The following MYO9A variants were observed in gnomAD, a reference collection of about 807,000 sequenced individuals.
MYO9A encodes myosin IXA, also known as unconventional myosin-IXa.
MYO9A carries 103 observed loss-of-function variants against 293.3 expected under a neutral mutation model. The observed-to-expected ratio is 0.35, with a 90% CI of 0.30 to 0.41. The LOEUF (loss-of-function observed/expected upper bound fraction) is 0.41. MYO9A is among the 10% of genes least tolerant of loss of function. The pLI is 1.00. For missense variants in MYO9A, 2,685 were observed against 3,033.0 expected (o/e 0.89, Z 2.69); for synonymous variants, 1,001 against 1,035.7 (o/e 0.97, Z 0.64).
intron 1 of MYO9A, among the ~76,000 whole-genome samples, chr15:72,098,993 A>G (rs1021322331): frequency 6.6e-6 from 1 of 152,128 alleles, no homozygotes; most frequent in South Asian, 2.1e-4. Flanking sequence ...AAAAATAATT[A>G]AGAAATTAAA....
chr15:71,863,688 A>AT (rs1424387465), intron 32 of MYO9A, among the ~76,000 whole-genome samples: 2 of 152,188 alleles, frequency 1.3e-5, no homozygotes, highest in East Asian at 3.8e-4. Context: ...GTATAAATGT[A>AT]TGTGGTACAA....
At chr15:71,832,419 A>G (rs1325546071) in intron 39 of MYO9A, among the ~76,000 whole-genome samples, 1 of 152,188 alleles carries the variant, frequency 6.6e-6, no homozygotes, top group Non-Finnish European at 1.5e-5. Context: ...TACTGTTAAA[A>G]ACTAAAGGCC....
intron 11 of MYO9A, among the ~76,000 whole-genome samples, chr15:71,988,621 A>G (rs2076463004): frequency 6.6e-6 from 1 of 151,996 alleles, no homozygotes; most frequent in South Asian, 2.1e-4. Context: ...AAGCTAAGAC[A>G]GCAACAAGAT....
chr15:71,946,181 G>T (rs528406515), intron 15 of MYO9A, among the ~76,000 whole-genome samples: 2 of 152,160 alleles, frequency 1.3e-5, no homozygotes, highest in African/African-American at 4.8e-5. Flanking sequence ...TAATGGTTTT[G>T]GTAACAGAAT....
At position 71,994,492 on chromosome 15, in the gene MYO9A, T is replaced by C; in HGVS notation, c.1564A>G (p.Lys522Glu). ...FRINHALLNS[K>E]DLEHNTKTLS... ...ACCTTGGTATTATGCTCTAAATCTT[T>C]ACTATTCAGAAGTGCATGATTAATT... Residue 522 changes from lysine to glutamate, a missense_variant, in exon 10 of 42, where the codon AAA becomes GAA. Coordinates refer to ENST00000356056, the MANE Select transcript of MYO9A (RefSeq NM_006901.4). The C allele has an allele frequency of 1.3e-6, 2 of 1,598,370 alleles. No individual in the cohort carries two copies. The highest frequency in any genetic ancestry group is 1.7e-6 in the Non-Finnish European group (2 of 1,172,122).
intron 1 of MYO9A, chr15:72,116,730 T>C (rs766423355): frequency 2.0e-5 from 3 of 152,226 alleles, no homozygotes; most frequent in Non-Finnish European, 4.4e-5. Flanking sequence ...CAAGACGACA[T>C]AGTTATATCC....
chr15:72,049,949 A>T (rs1465321209), intron 1 of MYO9A, among the ~76,000 whole-genome samples: 2 of 152,176 alleles, frequency 1.3e-5, no homozygotes, highest in Non-Finnish European at 2.9e-5. Context: ...TAAACTTAGA[A>T]ACATCTTTTT....
intron 1 of MYO9A, among the ~76,000 whole-genome samples, chr15:72,085,960 G>A (rs937800210): frequency 4.6e-5 from 7 of 152,174 alleles, no homozygotes; most frequent in Non-Finnish European, 1.0e-4. Flanking sequence ...CTGGTATTGG[G>A]ACCCTATTTT....
rs370644227 is a variant in MYO9A at position 71,845,882 on chromosome 15, T to C, written c.6837+2963A>G. 3.9e-5 allele frequency among the ~76,000 whole-genome samples: 6 copies of C among 152,320 alleles called. No individual in the cohort carries two copies. The East Asian group carries it at 7.7e-4, about 20-fold the overall frequency. On this transcript the variant is annotated intron_variant, in intron 39 of 41. Transcript: ENST00000356056. ...TCTTTGAATTGCAAGCCAAATTAGC[T>C]GCTTTATTAATGAAACAGTATTTAC...
chr15:71,973,380 T>C (rs995771785), intron 12 of MYO9A, among the ~76,000 whole-genome samples: 5 of 152,164 alleles, frequency 3.3e-5, no homozygotes, highest in African/African-American at 1.2e-4. Flanking sequence ...AAAGAACCTT[T>C]ACTAAAATGG....
rs140167191 is a variant in MYO9A, at chr15:71,951,838, G to A, written c.2241C>T (p.Leu747=). 29 of 1,613,038 alleles carry A rather than the reference G, an allele frequency of 1.8e-5. No individual in the cohort carries two copies. The highest frequency in any genetic ancestry group is 8.3e-5 in the Admixed American group (5 of 59,902). Residue 747 remains leucine (L), a synonymous_variant, in exon 15 of 42, where the codon CTC becomes CTT. Transcript: ENST00000356056. The part of the protein sequence containing the change: ...ILKSMDSFSF[L]QHPVHQRSLE... ...AGCTCCTCTGGTGGACTGGGTGTTGGAGAAAGCTAAAACTATCCATACTTT... is the reference window on the plus strand; with the variant it reads ...AGCTCCTCTGGTGGACTGGGTGTTGAAGAAAGCTAAAACTATCCATACTTT...
At chr15:71,928,049 TATATATA>T (rs1415225627) in intron 18 of MYO9A, among the ~76,000 whole-genome samples, 3 of 11,436 alleles carry the variant, frequency 2.6e-4, no homozygotes, top group Non-Finnish European at 4.6e-4. Context: ...TATATATATA[TATATATA>T]TTTTTTTTTT....
intron 26 of MYO9A, chr15:71,888,634 T>C (rs951377554): frequency 1.3e-5 from 2 of 152,260 alleles, no homozygotes; most frequent in Admixed American, 6.5e-5. Flanking sequence ...GTCTAAATTA[T>C]AAACAACTTA....
Position 71,994,489 on chromosome 15 carries a change from C to G in MYO9A, c.1567G>C (p.Asp523His). The change falls in exon 10 of 42, where the codon GAT (aspartate) becomes CAT (histidine). Residue 523 changes from aspartate (D) to histidine (H), a missense_variant. By Grantham distance (81) the Asp-to-His change is moderately conservative. Coordinates refer to ENST00000356056, the MANE Select transcript of MYO9A (RefSeq NM_006901.4). ...RINHALLNSK[D>H]LEHNTKTLSI... ...ATTACCTTGGTATTATGCTCTAAATCTTTACTATTCAGAAGTGCATGATTA... is the reference window on the plus strand; with the variant it reads ...ATTACCTTGGTATTATGCTCTAAATGTTTACTATTCAGAAGTGCATGATTA... 1 of 1,596,012 alleles carries G rather than the reference C, an allele frequency of 6.3e-7. No individual in the cohort carries two copies. The highest frequency in any genetic ancestry group is 1.1e-5 in the South Asian group (1 of 88,058).
intron 7 of MYO9A, among the ~76,000 whole-genome samples, chr15:72,009,144 T>C (rs1453503743): frequency 1.3e-5 from 2 of 152,162 alleles, no homozygotes; most frequent in African/African-American, 4.8e-5. Context: ...ACATAAAAAC[T>C]AATGGAAGTC....
chr15:71,976,824 G>A (rs999267156), intron 12 of MYO9A, among the ~76,000 whole-genome samples: 1 of 152,214 alleles, frequency 6.6e-6, no homozygotes, highest in Admixed American at 6.5e-5. Context: ...ACACTAAACT[G>A]TTAGCAGTCT....
At chr15:72,037,694 C>T in intron 2 of MYO9A, among the ~76,000 whole-genome samples, 1 of 152,006 alleles carries the variant, frequency 6.6e-6, no homozygotes, top group East Asian at 1.9e-4. Flanking sequence ...ATGAAACAAC[C>T]AAATAACGGT....
chr15:71,910,658 G>A (rs111239365), intron 19 of MYO9A, among the ~76,000 whole-genome samples: 2,591 of 152,220 alleles, frequency 0.017, 79 homozygotes, highest in African/African-American at 0.059. Flanking sequence ...TTTCAGCCAT[G>A]TTGGCAAGTA....
intron 19 of MYO9A, among the ~76,000 whole-genome samples, chr15:71,909,178 C>T (rs1286519025): frequency 3.3e-5 from 5 of 152,288 alleles, no homozygotes; most frequent in Non-Finnish European, 5.9e-5. Flanking sequence ...TGACTGTTTC[C>T]AAGTTTTAGC....
Sources: gnomAD v4.1 joint callset for allele counts (sites outside exome capture counted in the v4.1 genomes callset) on GRCh38, gnomAD v4.1.1 for gene constraint, MANE v1.5 for transcripts, NCBI Gene and HGNC (gene_info 2026-07-23, HGNC 2026-07-21) for gene names.